PDE12: variants seen among roughly 807,000 people sequenced by gnomAD.
The protein encoded by PDE12 is phosphodiesterase 12.
PDE12 carries 26 observed loss-of-function variants against 45.4 expected under a neutral mutation model. The observed-to-expected ratio is 0.57, with a 90% CI of 0.42 to 0.79. The LOEUF (loss-of-function observed/expected upper bound fraction) is 0.79. Among genes scored for constraint, PDE12 ranks in the 30% least tolerant of loss-of-function variants. The probability of loss-of-function intolerance (pLI) is 0.00; values close to 1 mark genes in which losing one functional copy is unlikely to be tolerated. For synonymous variants in PDE12, 283 were observed against 323.9 expected, an observed-to-expected ratio of 0.87 and a Z score of 1.36; for missense variants, 668 against 790.0, an observed-to-expected ratio of 0.85 and a Z score of 1.85.
rs750240199 is a variant in PDE12, at chr3:57,557,556, C to T, written c.1177C>T (p.Leu393Phe). 2.3e-5 allele frequency: 37 copies of T among 1,614,012 alleles called. No individual in the cohort carries two copies. Among genetic ancestry groups the T allele is most frequent in the Non-Finnish European group, 3.1e-5 (37 of 1,180,048 alleles). ...TTTCTACCGAAAGTCTAAGTTCAGC[C>T]TTCTTAGCCAGCATGACATTTCATT... ...ATFYRKSKFS[L>F]LSQHDISFYE... The change falls in exon 1 of 3, where the codon CTT becomes TTT. Residue 393 changes from leucine to phenylalanine, a missense_variant. By Grantham distance (22) the Leu-to-Phe change is conservative (BLOSUM62 0). This residue lies in a region of PDE12 where 580 missense variants were observed against 662.9 expected (regional missense o/e 0.87). Coordinates refer to ENST00000311180, the MANE Select transcript of PDE12 (RefSeq NM_177966.7).
chr3:57,569,926 G>A (rs1274668284), downstream of PDE12, among the ~76,000 whole-genome samples: 2 of 150,510 alleles, frequency 1.3e-5, no homozygotes, highest in African/African-American at 4.9e-5. Context: ...TCCCTTTACA[G>A]TCCATGTAAA....
At chr3:57,638,231 A>T in the PDE12 span, among the ~76,000 whole-genome samples, 1 of 152,072 alleles carries the variant, frequency 6.6e-6, no homozygotes, top group Non-Finnish European at 1.5e-5. Context: ...CACAAAGCAT[A>T]TATCTAATAA....
At chr3:57,633,325 A>C in the PDE12 span, 1 of 1,613,902 alleles carries the variant, frequency 6.2e-7, no homozygotes, top group South Asian at 1.1e-5. Flanking sequence ...TAACACTTTG[A>C]GCCTCAGAAG....
chr3:57,595,779 G>A, the PDE12 span, among the ~76,000 whole-genome samples: 1 of 151,954 alleles, frequency 6.6e-6, no homozygotes, highest in Admixed American at 6.6e-5. Flanking sequence ...TGAAACCCCC[G>A]TCTCTACTAA....
rs945520389 is a variant in PDE12, at chr3:57,566,715, G to C, written c.*6711G>C. ...TTTCCATGATGGTTAACGATGTTAA[G>C]CATCTTTTCATGTGCTCGTTGGCCA... On this transcript the variant is annotated 3_prime_UTR_variant, in exon 3 of 3. Coordinates refer to ENST00000311180, the MANE Select transcript of PDE12 (RefSeq NM_177966.7). 2.0e-5 allele frequency: 3 copies of C among 152,120 alleles called. No homozygotes were observed. Among genetic ancestry groups the C allele is most frequent in the African/African-American group, 7.2e-5 (3 of 41,432 alleles). The allele number at this position is 152,120 out of a possible 1,614,324, so 9.4% of individuals were successfully genotyped here.
rs554820354 is a variant in PDE12 at position 57,562,049 on chromosome 3, G to T, written c.*2045G>T. The T allele has an allele frequency of 1.9e-5, 19 of 980,428 alleles. No homozygotes were observed. Among genetic ancestry groups the T allele is most frequent in the Non-Finnish European group, 2.3e-5 (19 of 825,572 alleles). 60.7% of individuals were successfully genotyped at this position (980,428 alleles called of 1,614,324 possible). ...ATTAAAACCAAATCTTGATTCTCTT[G>T]TGAATTTTTTTTTCATTTTAAAAAT... On this transcript the variant is annotated 3_prime_UTR_variant, in exon 3 of 3. Transcript: ENST00000311180.
chr3:57,628,107 A>T, the PDE12 span: 6 of 1,489,788 alleles, frequency 4.0e-6, no homozygotes, highest in African/African-American at 7.0e-5. Context: ...CATTCATGGC[A>T]ATTTTCCACT....
the PDE12 span, among the ~76,000 whole-genome samples, chr3:57,579,021 T>G: frequency 0.75 from 113,704 of 151,980 alleles, 44,627 homozygotes; most frequent in East Asian, 1. Context: ...ACGAGGCTGG[T>G]TGAGGTGGCT....
chr3:57,571,004 T>C (rs534752796), downstream of PDE12, among the ~76,000 whole-genome samples: 160 of 152,066 alleles, frequency 1.1e-3, no homozygotes, highest in Non-Finnish European at 1.9e-3. Flanking sequence ...GTTTTGTTTT[T>C]AGTTTTTTAA....
At chr3:57,576,928 T>G in the PDE12 span, among the ~76,000 whole-genome samples, 1 of 152,240 alleles carries the variant, frequency 6.6e-6, no homozygotes, top group East Asian at 1.9e-4. Context: ...ACAAAACATC[T>G]GAACCAAGAT....
chr3:57,629,010 G>A, the PDE12 span: 2 of 715,220 alleles, frequency 2.8e-6, no homozygotes, highest in East Asian at 5.5e-5. Flanking sequence ...ATTTAACCCA[G>A]ATATAGCATT....
At chr3:57,570,979 T>A (rs993073318), downstream of PDE12, among the ~76,000 whole-genome samples, 1 of 151,512 alleles carries the variant, frequency 6.6e-6, no homozygotes, top group East Asian at 1.9e-4. Flanking sequence ...CCCACCTGAT[T>A]TTTTTGTTGT....
chr3:57,654,304 A>T, the PDE12 span, among the ~76,000 whole-genome samples: 3 of 152,154 alleles, frequency 2.0e-5, no homozygotes, highest in Admixed American at 6.5e-5. Flanking sequence ...TTTGAGAAAG[A>T]TATAGTATGT....
At chr3:57,577,772 G>C in the PDE12 span, among the ~76,000 whole-genome samples, 5 of 152,092 alleles carry the variant, frequency 3.3e-5, no homozygotes, top group Admixed American at 6.6e-5. Context: ...GGCCAGGCAT[G>C]GTGGCTCATC....
chr3:57,631,124 G>C, the PDE12 span: 4 of 641,300 alleles, frequency 6.2e-6, no homozygotes. Context: ...AAGAGATATA[G>C]CTAAATTTAG....
At chr3:57,570,649 A>AAACTAAG (rs1360616637), downstream of PDE12, among the ~76,000 whole-genome samples, 1 of 152,202 alleles carries the variant, frequency 6.6e-6, no homozygotes, top group Non-Finnish European at 1.5e-5. Flanking sequence ...ATATAGACAG[A>AAACTAAG]AACTAAGTTA....
chr3:57,642,110 C>G, the PDE12 span, among the ~76,000 whole-genome samples: 2 of 151,842 alleles, frequency 1.3e-5, no homozygotes, highest in Non-Finnish European at 2.9e-5. Flanking sequence ...GTTAGGAGTT[C>G]GAGGCCAACC....
downstream of PDE12, among the ~76,000 whole-genome samples, chr3:57,568,749 G>T (rs1322411744): frequency 6.6e-6 from 1 of 150,712 alleles, no homozygotes; most frequent in Non-Finnish European, 1.5e-5. Flanking sequence ...TATAAGGTAA[G>T]TGGAAAATTT....
the PDE12 span, among the ~76,000 whole-genome samples, chr3:57,601,399 G>A: frequency 3.3e-5 from 5 of 151,976 alleles, no homozygotes; most frequent in South Asian, 2.1e-4. Flanking sequence ...GTGAGCCACC[G>A]CGCCCAGCCT....
Sources: allele counts gnomAD v4.1 joint callset (sites outside exome capture counted in the v4.1 genomes callset), GRCh38; gene constraint gnomAD v4.1.1; regional missense constraint gnomAD v4.1.1; transcripts MANE v1.5; gene names NCBI Gene and HGNC (gene_info 2026-07-23, HGNC 2026-07-21).